The following ADARB1 variants were observed in gnomAD, a reference collection of about 807,000 sequenced individuals.
ADARB1 encodes adenosine deaminase RNA specific B1.
A neutral mutation model predicts 52.4 loss-of-function variants in ADARB1; 10 were observed. That is an observed-to-expected ratio of 0.19 (90% CI 0.12 to 0.32). ADARB1 has a LOEUF of 0.32. Ranked by LOEUF, ADARB1 falls within the 10% of genes least tolerant of loss-of-function variation. The pLI is 1.00. For synonymous variants in ADARB1, 349 were observed against 371.1 expected (o/e 0.94, Z 0.68); for missense variants, 643 against 922.3 (o/e 0.70, Z 3.92).
At chr21:45,219,981 T>C (rs2092932876) in intron 9 of ADARB1, among the ~76,000 whole-genome samples, 1 of 135,326 alleles carries the variant, frequency 7.4e-6, no homozygotes, top group Non-Finnish European at 1.5e-5. Context: ...CTTCTGCCTC[T>C]TGGTAGCCTT....
chr21:45,150,775 C>T (rs2090245697), intron 2 of ADARB1, among the ~76,000 whole-genome samples: 1 of 152,172 alleles, frequency 6.6e-6, no homozygotes, highest in South Asian at 2.1e-4. Flanking sequence ...ACCAAGGGGT[C>T]CCTCTGGAAA....
chr21:45,166,139 G>A (rs989076672), intron 2 of ADARB1, among the ~76,000 whole-genome samples: 3 of 151,926 alleles, frequency 2.0e-5, no homozygotes, highest in African/African-American at 7.2e-5. Flanking sequence ...TTTCATTAAG[G>A]GAAGGGGAGA....
intron 9 of ADARB1, among the ~76,000 whole-genome samples, chr21:45,214,418 G>T (rs1289907263): frequency 2.6e-5 from 4 of 152,050 alleles, no homozygotes; most frequent in African/African-American, 9.7e-5. Flanking sequence ...TTTCTTTGAT[G>T]GATCATGCTT....
intron 5 of ADARB1, among the ~76,000 whole-genome samples, chr21:45,182,277 T>C (rs537611380): frequency 1.2e-4 from 19 of 152,338 alleles, no homozygotes; most frequent in Admixed American, 2.0e-4. Flanking sequence ...TTGTGGGCAT[T>C]CAAGAAAAGA....
intron 8 of ADARB1, among the ~76,000 whole-genome samples, chr21:45,194,788 A>G (rs1175457943): frequency 6.6e-6 from 1 of 152,192 alleles, no homozygotes; most frequent in Non-Finnish European, 1.5e-5. Flanking sequence ...GTGCTAAATA[A>G]TAGTTTGGAT....
At chr21:45,114,879 A>T (rs377602984) in intron 1 of ADARB1, among the ~76,000 whole-genome samples, 1 of 152,354 alleles carries the variant, frequency 6.6e-6, no homozygotes, top group African/African-American at 2.4e-5. Context: ...AGGGGGCTGC[A>T]TTGCTGGATC....
At chr21:45,163,531 C>T (rs570400273) in intron 2 of ADARB1, among the ~76,000 whole-genome samples, 1 of 152,164 alleles carries the variant, frequency 6.6e-6, no homozygotes, top group East Asian at 1.9e-4. Context: ...CCAGGAATCT[C>T]CCCCCCACCT....
intron 2 of ADARB1, among the ~76,000 whole-genome samples, chr21:45,148,034 G>A (rs971078584): frequency 2.0e-5 from 3 of 152,086 alleles, no homozygotes; most frequent in Non-Finnish European, 4.4e-5. Context: ...GAGGCCTGTC[G>A]GCATCACTGT....
At position 45,133,861 on chromosome 21, in the gene ADARB1, G is replaced by A. The variant is rs1385375034; in HGVS notation, c.-48+5288G>A. Among the ~76,000 whole-genome samples the A allele has an allele frequency of 7.7e-5, 10 of 130,644 alleles. 1 individual carries two copies. The highest frequency in any genetic ancestry group is 1.5e-4 in the Non-Finnish European group (9 of 61,422). 85.7% of individuals were successfully genotyped at this position (130,644 alleles called of 152,430 possible). A position where few individuals can be genotyped will look rare whatever the true frequency, so the allele number is the denominator to read the frequency against. On this transcript the variant is annotated intron_variant, in intron 2 of 10. Coordinates refer to ENST00000348831, the MANE Select transcript of ADARB1 (RefSeq NM_001112.4). The stretch of plus-strand genomic sequence containing the variant: ...GTGTGCGCCCGCCGGGTGTGCGCCC[G>A]ACGGGGGTGTGTGCCCGACAGTGGT...
chr21:45,143,018 G>T (rs1412852348), intron 2 of ADARB1, among the ~76,000 whole-genome samples: 1 of 152,216 alleles, frequency 6.6e-6, no homozygotes, highest in Non-Finnish European at 1.5e-5. Context: ...TGTCCAGCCT[G>T]CTGCTCTGAA....
intron 9 of ADARB1, among the ~76,000 whole-genome samples, chr21:45,205,763 C>CTTT (rs2146356174): frequency 6.6e-6 from 1 of 152,226 alleles, no homozygotes; most frequent in South Asian, 2.1e-4. Context: ...GTATTTTTAT[C>CTTT]TTTTTAAACA....
At chr21:45,096,884 C>T (rs887728584) in intron 1 of ADARB1, among the ~76,000 whole-genome samples, 4 of 152,148 alleles carry the variant, frequency 2.6e-5, no homozygotes, top group South Asian at 2.1e-4. Context: ...GAACCACAGG[C>T]GCCTGCCACC....
chr21:45,225,070 G>A lies in ADARB1; in HGVS notation c.*2873G>A, dbSNP rs1348776811. 1.0e-6 allele frequency: 1 copy of A among 985,512 alleles called. No homozygotes were observed. 61.0% of individuals were successfully genotyped at this position (985,512 alleles called of 1,614,324 possible). A position where few individuals can be genotyped will look rare whatever the true frequency, so the allele number is the denominator to read the frequency against. ...ACAAGTAGGGGAAGAGAGGGCTTCT[G>A]TTGTTTTGTTTTGTTTTGTTTTGTT... On this transcript the variant is annotated 3_prime_UTR_variant, in exon 11 of 11. Coordinates refer to ENST00000348831, the MANE Select transcript of ADARB1 (RefSeq NM_001112.4).
At chr21:45,161,174 C>G (rs1007421138) in intron 2 of ADARB1, among the ~76,000 whole-genome samples, 5 of 152,158 alleles carry the variant, frequency 3.3e-5, no homozygotes, top group Non-Finnish European at 5.9e-5. Flanking sequence ...GAGGCTAGGG[C>G]TCTGTGCTCC....
chr21:45,112,516 G>A (rs2087588953), intron 1 of ADARB1, among the ~76,000 whole-genome samples: 1 of 151,900 alleles, frequency 6.6e-6, no homozygotes, highest in African/African-American at 2.4e-5. Context: ...CTCTCGGTGT[G>A]TATCTCTGTG....
intron 1 of ADARB1, among the ~76,000 whole-genome samples, chr21:45,122,493 A>C (rs1455000322): frequency 6.6e-6 from 1 of 152,194 alleles, no homozygotes; most frequent in African/African-American, 2.4e-5. Flanking sequence ...AAACCCCTTC[A>C]GCTTGACAAA....
At position 45,115,285 on chromosome 21, in the gene ADARB1, G is replaced by A. The variant is rs928931186; in HGVS notation, c.-219-13117G>A. 5.3e-5 allele frequency among the ~76,000 whole-genome samples: 8 copies of A among 152,308 alleles called. No individual in the cohort carries two copies. In the South Asian group the frequency reaches 6.2e-4, roughly 12 times the overall value. Reference sequence around the variant, plus strand: ...TCACAGAGTGAGTGAATGCTGAGCCGCTGTGATGGGAAAGCTCTCTGCTGA... The same window carrying A: ...TCACAGAGTGAGTGAATGCTGAGCCACTGTGATGGGAAAGCTCTCTGCTGA... On this transcript the variant is annotated intron_variant, in intron 1 of 10. Coordinates refer to ENST00000348831, the MANE Select transcript of ADARB1 (RefSeq NM_001112.4).
intron 2 of ADARB1, among the ~76,000 whole-genome samples, chr21:45,136,016 T>C (rs1421748865): frequency 6.6e-6 from 1 of 152,040 alleles, no homozygotes; most frequent in Admixed American, 6.5e-5. Context: ...AGGGACACAA[T>C]GTGAGTCATA....
chr21:45,190,244 T>C (rs2092244574), intron 8 of ADARB1, among the ~76,000 whole-genome samples: 1 of 152,194 alleles, frequency 6.6e-6, no homozygotes, highest in South Asian at 2.1e-4. Flanking sequence ...TTTAATGATA[T>C]TTTCAGTTCA....
Sources: gnomAD v4.1 joint callset for allele counts (sites outside exome capture counted in the v4.1 genomes callset) on GRCh38, gnomAD v4.1.1 for gene constraint, MANE v1.5 for transcripts, NCBI Gene and HGNC (gene_info 2026-07-23, HGNC 2026-07-21) for gene names.